GNG7: variants seen among roughly 807,000 people sequenced by gnomAD.
The protein encoded by GNG7 is guanine nucleotide-binding protein G(I)/G(S)/G(O) subunit gamma-7.
Under a neutral mutation model 4.0 loss-of-function variants are expected in GNG7, and 1 was observed. The observed-to-expected ratio is 0.25, with a 90% CI of 0.09 to 1.18. The LOEUF (loss-of-function observed/expected upper bound fraction) is 1.18, where lower values mean the gene tolerates loss of function less well. Ranked by LOEUF, GNG7 falls within the 50% of genes most tolerant of loss-of-function variation. GNG7 has a pLI of 0.50. For synonymous variants in GNG7, 34 were observed against 36.9 expected, an observed-to-expected ratio of 0.92 and a Z score of 0.29; for missense variants, 86 against 91.9, an observed-to-expected ratio of 0.94 and a Z score of 0.26.
At chr19:2,649,383 C>T (rs887577705) in intron 1 of GNG7, among the ~76,000 whole-genome samples, 6 of 71,748 alleles carry the variant, frequency 8.4e-5, no homozygotes, top group Non-Finnish European at 1.8e-4. Flanking sequence ...AGACGCTCAC[C>T]CCTAGGAATT....
chr19:2,553,798 T>G (rs1037371208), intron 3 of GNG7, among the ~76,000 whole-genome samples: 2 of 126,052 alleles, frequency 1.6e-5, no homozygotes, highest in Non-Finnish European at 3.2e-5. Context: ...CATGTACGTA[T>G]CATGTGTAAT....
rs1555697667 is a variant in GNG7, at chr19:2,611,004, C to CGT, written c.-78+35219_-78+35220insAC. 1 of 21,868 alleles carries CGT rather than the reference C, an allele frequency of 4.6e-5. No homozygotes were observed. The highest frequency in any genetic ancestry group is 6.2e-5 in the African/African-American group (1 of 16,116). The allele number at this position is 21,868 out of a possible 1,614,324, so 1.4% of individuals were successfully genotyped here. A position where few individuals can be genotyped will look rare whatever the true frequency, so the allele number is the denominator to read the frequency against. ...GGGGAACGGGCTCACGTGCCAGGCT[C>CGT]GGGGGGGGGGAAGCGTCCTCAACAT... On this transcript the variant is annotated intron_variant, in intron 2 of 4. Coordinates refer to ENST00000382159, the MANE Select transcript of GNG7 (RefSeq NM_052847.3). The surrounding 1 kb of genome is among the most constrained non-coding windows in gnomAD (Gnocchi z 6.0).
intron 1 of GNG7, among the ~76,000 whole-genome samples, chr19:2,652,067 C>T (rs1045267607): frequency 2.6e-5 from 4 of 151,640 alleles, no homozygotes; most frequent in African/African-American, 9.7e-5. Flanking sequence ...GCCAGCTACT[C>T]GGGAGGCTGA....
intron 2 of GNG7, among the ~76,000 whole-genome samples, chr19:2,613,138 A>G (rs62123724): frequency 0.019 from 2,755 of 148,468 alleles, 44 homozygotes; most frequent in Non-Finnish European, 0.025. Context: ...GAATTCAGAC[A>G]AAGAATTTCT....
intron 2 of GNG7, among the ~76,000 whole-genome samples, chr19:2,589,258 C>T (rs945106214): frequency 1.4e-4 from 20 of 144,466 alleles, no homozygotes; most frequent in African/African-American, 4.9e-4. Flanking sequence ...AGTCTCCCTC[C>T]GTGGCCCAGG....
chr19:2,567,358 G>GTGTGTGTGTGTGTGT, intron 2 of GNG7, among the ~76,000 whole-genome samples: 1 of 29,738 alleles, frequency 3.4e-5, no homozygotes, highest in African/African-American at 2.5e-4. Flanking sequence ...TGTGACATAG[G>GTGTGTGTGTGTGTGT]GTCTCACTCT....
rs531791194 is a variant in GNG7 at position 2,555,884 on chromosome 19, C to G, written c.-77-696G>C. Among the ~76,000 whole-genome samples, 18 of 152,008 alleles carry G rather than the reference C, an allele frequency of 1.2e-4. No individual in the cohort carries two copies. In the South Asian group the frequency reaches 3.7e-3, roughly 32 times the overall value. ...ACAGGGCCAGGCCCCGTATCCGTCT[C>G]CAATGCACAGTGCACGGATCGCGAG... On this transcript the variant is annotated intron_variant, in intron 2 of 4. Transcript: ENST00000382159.
At chr19:2,584,089 T>A (rs1980575065) in intron 2 of GNG7, among the ~76,000 whole-genome samples, 1 of 151,992 alleles carries the variant, frequency 6.6e-6, no homozygotes, top group South Asian at 2.1e-4. Context: ...TTCTGGAGCA[T>A]CTTTTTGGGC....
At chr19:2,521,536 T>C (rs545766636) in intron 3 of GNG7, among the ~76,000 whole-genome samples, 1 of 150,912 alleles carries the variant, frequency 6.6e-6, no homozygotes, top group South Asian at 2.1e-4. Context: ...CCGAACGCGA[T>C]ATCCATAGTA....
intron 2 of GNG7, among the ~76,000 whole-genome samples, chr19:2,587,032 T>C (rs1022100913): frequency 7.2e-6 from 1 of 139,430 alleles, no homozygotes; most frequent in African/African-American, 2.7e-5. Flanking sequence ...GAAATCATAA[T>C]GACAGTGGAG....
At chr19:2,669,879 G>A (rs964492929) in intron 1 of GNG7, among the ~76,000 whole-genome samples, 2 of 151,878 alleles carry the variant, frequency 1.3e-5, no homozygotes, top group African/African-American at 4.8e-5. Context: ...GCGTGGTGGC[G>A]GGTACCTATA....
intron 1 of GNG7, among the ~76,000 whole-genome samples, chr19:2,652,809 A>G (rs1005035199): frequency 1.1e-4 from 17 of 152,118 alleles, no homozygotes; most frequent in African/African-American, 4.1e-4. Context: ...TGGGCTGGGC[A>G]CAAGGGCTCA....
chr19:2,666,389 T>C (rs1161019478), intron 1 of GNG7, among the ~76,000 whole-genome samples: 1 of 152,134 alleles, frequency 6.6e-6, no homozygotes, highest in South Asian at 2.1e-4. Context: ...GCCAGGCTGG[T>C]CTTAAACTCT....
At chr19:2,553,583 A>G (rs1030595019) in intron 3 of GNG7, among the ~76,000 whole-genome samples, 3 of 149,406 alleles carry the variant, frequency 2.0e-5, no homozygotes, top group South Asian at 2.1e-4. Context: ...CATATCACAT[A>G]CACGCACATA....
In GNG7 at chr19:2,633,484, C is replaced by T. The variant is rs1230519512; in HGVS notation, c.-78+12740G>A. 1.2e-5 allele frequency among the ~76,000 whole-genome samples: 1 copy of T among 86,936 alleles called. No homozygotes were observed. Among genetic ancestry groups the T allele is most frequent in the African/African-American group, 4.0e-5 (1 of 24,710 alleles). The allele number at this position is 86,936 out of a possible 152,430, so 57.0% of individuals were successfully genotyped here. On this transcript the variant is annotated intron_variant, in intron 2 of 4. Coordinates refer to ENST00000382159, the MANE Select transcript of GNG7 (RefSeq NM_052847.3). The surrounding 1 kb of genome is among the most constrained non-coding windows in gnomAD (Gnocchi z 5.9). ...GCTTAGCAACAGGCGCGCGCGCGCG[C>T]GCGCACACACACACACACACACACA...
In GNG7 at chr19:2,611,295, T is replaced by C. The variant is rs949854991; in HGVS notation, c.-78+34929A>G. The C allele has an allele frequency of 6.6e-6, 1 of 152,212 alleles. No individual in the cohort carries two copies. The highest frequency in any genetic ancestry group is 2.4e-5 in the African/African-American group (1 of 41,434). 9.4% of individuals were successfully genotyped at this position (152,212 alleles called of 1,614,324 possible). On this transcript the variant is annotated intron_variant, in intron 2 of 4. Transcript: ENST00000382159. The surrounding 1 kb of genome is among the most constrained non-coding windows in gnomAD (Gnocchi z 6.0). ...CGAGGAATTCCGCCTGGCGAGCGTC[T>C]AGACTGCGGTGTTTCTGGGACGCTG...
chr19:2,537,948 A>G (rs990881218), intron 3 of GNG7, among the ~76,000 whole-genome samples: 2 of 152,098 alleles, frequency 1.3e-5, no homozygotes, highest in South Asian at 2.1e-4. Context: ...GTGGTGGTGC[A>G]TGCCTGTAGT....
intron 4 of GNG7, 71 bp from the exon 5 acceptor site, chr19:2,515,218 A>G: frequency 6.3e-7 from 1 of 1,591,326 alleles, no homozygotes; most frequent in Admixed American, 1.7e-5. Flanking sequence ...TCACAGCAGC[A>G]CCATTCCCAA....
At chr19:2,662,185 G>A (rs192462094) in intron 1 of GNG7, among the ~76,000 whole-genome samples, 1 of 151,628 alleles carries the variant, frequency 6.6e-6, no homozygotes, top group Non-Finnish European at 1.5e-5. Flanking sequence ...ACTTGAACCT[G>A]GGGGGCGGAG....
Sources: gnomAD v4.1 joint callset for allele counts (sites outside exome capture counted in the v4.1 genomes callset) on GRCh38, gnomAD v4.1.1 for gene constraint, Gnocchi (gnomAD v3.1) non-coding constraint, MANE v1.5 for transcripts, NCBI Gene and HGNC (gene_info 2026-07-23, HGNC 2026-07-21) for gene names.